The following LAMC1 variants were observed in gnomAD, a reference collection of about 807,000 sequenced individuals.
LAMC1 encodes laminin subunit gamma-1.
In LAMC1, 38 loss-of-function variants were observed where a neutral mutation model predicts 173.6. The ratio of observed to expected loss-of-function variants is 0.22; its 90% CI spans 0.17 to 0.29. The LOEUF (loss-of-function observed/expected upper bound fraction) is 0.29. Among genes scored for constraint, LAMC1 ranks in the 10% least tolerant of loss-of-function variants. LAMC1 has a pLI of 1.00. For missense variants in LAMC1, 1,824 were observed against 2,051.8 expected (o/e 0.89, Z 2.14); for synonymous variants, 746 against 749.1 (o/e 1.00, Z 0.07).
chr1:183,059,269 G>A (rs1439301005), intron 1 of LAMC1, among the ~76,000 whole-genome samples: 4 of 152,236 alleles, frequency 2.6e-5, no homozygotes, highest in African/African-American at 9.6e-5. Flanking sequence ...TGGTTTGAGA[G>A]ATGTTCTGAA....
chr1:183,059,467 G>C (rs892844675), intron 1 of LAMC1, among the ~76,000 whole-genome samples: 3 of 152,160 alleles, frequency 2.0e-5, no homozygotes. Context: ...GTTGCAGTAA[G>C]CCAAGATCAT....
chr1:183,118,052 T>C lies in LAMC1; in HGVS notation c.1896T>C (p.Asp632=), dbSNP rs1323289174. The C allele has an allele frequency of 6.2e-7, 1 of 1,612,006 alleles. No individual in the cohort carries two copies. The highest frequency in any genetic ancestry group is 8.5e-7 in the Non-Finnish European group (1 of 1,178,480). ...KYVFRLHEAT[D]YPWRPALTPF... ...TCTCCAGGCTCCATGAAGCAACAGATTACCCTTGGAGGCCTGCTCTTACCC... is the reference window on the plus strand; with the variant it reads ...TCTCCAGGCTCCATGAAGCAACAGACTACCCTTGGAGGCCTGCTCTTACCC... Residue 632 remains aspartate, a synonymous_variant, in exon 11 of 28, where the codon GAT becomes GAC. Transcript: ENST00000258341.
chr1:183,130,569 TG>T lies in LAMC1; in HGVS notation c.3486+21del. 2 of 1,606,020 alleles carry T rather than the reference TG, an allele frequency of 1.2e-6. No homozygotes were observed. Among genetic ancestry groups the T allele is most frequent in the Non-Finnish European group, 1.7e-6 (2 of 1,172,714 alleles). ...AATGTGGTAAGTGATTGCAAACGTC[TG>T]AGGTGGGGATGGGGGAGGCCCCTGG... is the stretch of plus-strand genomic sequence containing the variant. On this transcript the variant is annotated intron_variant, in intron 19 of 27. Coordinates refer to ENST00000258341, the MANE Select transcript of LAMC1 (RefSeq NM_002293.4).
chr1:183,060,930 T>G (rs1007698101), intron 1 of LAMC1, among the ~76,000 whole-genome samples: 2 of 152,188 alleles, frequency 1.3e-5, no homozygotes, highest in Admixed American at 1.3e-4. Context: ...CATGAAAGGC[T>G]TTGAATATGA....
intron 1 of LAMC1, among the ~76,000 whole-genome samples, chr1:183,037,661 T>C (rs1654017675): frequency 6.6e-6 from 1 of 152,204 alleles, no homozygotes; most frequent in African/African-American, 2.4e-5. Flanking sequence ...CTCTCTCTCT[T>C]TCTGCCTCCC....
chr1:183,113,236 G>A (rs1210208550), intron 4 of LAMC1, among the ~76,000 whole-genome samples: 1 of 152,122 alleles, frequency 6.6e-6, no homozygotes, highest in African/African-American at 2.4e-5. Flanking sequence ...AGGATCACGT[G>A]AGCTCAGGAA....
rs779016017 is a variant in LAMC1 at position 183,037,869 on chromosome 1, G to GT, written c.418+13742dup. Reference sequence around the variant, plus strand: ...TTCTAGAACTTAAAATTCTAGGATTGTTTTTTTCTCCCTCATGCCCTATCC... The same window carrying GT: ...TTCTAGAACTTAAAATTCTAGGATTGTTTTTTTTCTCCCTCATGCCCTATCC... On this transcript the variant is annotated intron_variant, in intron 1 of 27. Coordinates refer to ENST00000258341, the MANE Select transcript of LAMC1 (RefSeq NM_002293.4). 1.3e-4 allele frequency among the ~76,000 whole-genome samples: 19 copies of GT among 151,908 alleles called. No individual in the cohort carries two copies. In the East Asian group the frequency reaches 1.5e-3, roughly 12 times the overall value.
In LAMC1 at chr1:183,134,748, A is replaced by C. The variant is rs1558060445; in HGVS notation, c.3938A>C (p.Asp1313Ala). Residue 1313 changes from aspartate (D) to alanine (A), a missense_variant, in exon 23 of 28, where the codon GAT (aspartate) becomes GCT (alanine). Transcript: ENST00000258341. ...KLKDYEDLREDMRGKELEVKN... is the reference protein window; with the variant it reads ...KLKDYEDLREAMRGKELEVKN... Reference sequence around the variant, plus strand: ...AAAGATTATGAGGACCTCAGAGAAGATATGAGAGGGAAGGAACTTGAAGTC... The same window carrying C: ...AAAGATTATGAGGACCTCAGAGAAGCTATGAGAGGGAAGGAACTTGAAGTC... 6.2e-7 allele frequency: 1 copy of C among 1,613,490 alleles called. No homozygotes were observed. The highest frequency in any genetic ancestry group is 1.7e-5 in the Admixed American group (1 of 60,000).
chr1:183,028,022 T>C (rs1653734461), intron 1 of LAMC1, among the ~76,000 whole-genome samples: 1 of 152,202 alleles, frequency 6.6e-6, no homozygotes, highest in East Asian at 1.9e-4. Flanking sequence ...GAACACAGTT[T>C]TATAAAGTTG....
intron 1 of LAMC1, among the ~76,000 whole-genome samples, chr1:183,073,576 G>A (rs1655060363): frequency 6.6e-6 from 1 of 152,192 alleles, no homozygotes; most frequent in South Asian, 2.1e-4. Flanking sequence ...AGGTAACCCA[G>A]TGGGCACTCA....
intron 10 of LAMC1, 143 bp downstream of exon 10, chr1:183,117,866 TCTTTAC>T: frequency 2.4e-6 from 2 of 819,774 alleles, no homozygotes; most frequent in South Asian, 3.6e-5. Flanking sequence ...AGCCTTCCTT[TCTTTAC>T]CTTTATCTTT....
intron 18 of LAMC1, among the ~76,000 whole-genome samples, chr1:183,129,302 A>G (rs967590635): frequency 6.6e-6 from 1 of 151,980 alleles, no homozygotes; most frequent in Non-Finnish European, 1.5e-5. Context: ...GTTAGCCAGG[A>G]TGGTCTCGAT....
intron 1 of LAMC1, among the ~76,000 whole-genome samples, chr1:183,046,836 T>C (rs1380041453): frequency 6.6e-6 from 1 of 152,122 alleles, no homozygotes; most frequent in African/African-American, 2.4e-5. Flanking sequence ...TTAAAAAAAT[T>C]CCCCTTAAAT....
intron 1 of LAMC1, among the ~76,000 whole-genome samples, chr1:183,037,129 T>C (rs949301798): frequency 6.6e-6 from 1 of 152,214 alleles, no homozygotes; most frequent in Admixed American, 6.5e-5. Context: ...TTGAACTAGT[T>C]GCATGATATT....
intron 13 of LAMC1, among the ~76,000 whole-genome samples, chr1:183,123,653 C>T (rs1656541798): frequency 1.3e-5 from 2 of 152,184 alleles, no homozygotes; most frequent in Non-Finnish European, 2.9e-5. Context: ...TTCACCCCAT[C>T]ATGCTGCTCT....
Position 183,108,269 on chromosome 1 carries a change from C to A in LAMC1, c.724-7C>A. On this transcript the variant is annotated splice_polypyrimidine_tract_variant and splice_region_variant and intron_variant, in intron 2 of 27. Coordinates refer to ENST00000258341, the MANE Select transcript of LAMC1 (RefSeq NM_002293.4). ...TCTTTTATGTTTCTATTTTTGCTTC[C>A]TGACAGGAATGGGTAACTGCCACTG... 1 of 1,611,470 alleles carries A rather than the reference C, an allele frequency of 6.2e-7. No homozygotes were observed. The highest frequency in any genetic ancestry group is 8.5e-7 in the Non-Finnish European group (1 of 1,178,546).
chr1:183,111,129 G>A (rs1656139048), intron 4 of LAMC1, among the ~76,000 whole-genome samples: 1 of 142,636 alleles, frequency 7.0e-6, no homozygotes, highest in Non-Finnish European at 1.5e-5. Flanking sequence ...GTCTCACTCT[G>A]TCAGCTAGGC....
At chr1:183,136,943 T>G (rs2102112045) in intron 25 of LAMC1, among the ~76,000 whole-genome samples, 1 of 152,320 alleles carries the variant, frequency 6.6e-6, no homozygotes, top group East Asian at 1.9e-4. Context: ...GTAGTGTGCC[T>G]TATCAATATA....
At chr1:183,101,112 C>G (rs1348173249) in intron 1 of LAMC1, among the ~76,000 whole-genome samples, 2 of 151,942 alleles carry the variant, frequency 1.3e-5, no homozygotes, top group Non-Finnish European at 2.9e-5. Flanking sequence ...AGTCTGCTGC[C>G]GTTGGGTTGC....
Sources: gnomAD v4.1 joint callset for allele counts (sites outside exome capture counted in the v4.1 genomes callset) on GRCh38, gnomAD v4.1.1 for gene constraint, MANE v1.5 for transcripts, NCBI Gene and HGNC (gene_info 2026-07-23, HGNC 2026-07-21) for gene names.